NDNF: variants seen among roughly 807,000 people sequenced by gnomAD.
NDNF encodes protein NDNF.
A neutral mutation model predicts 42.0 loss-of-function variants in NDNF; 16 were observed. That is an observed-to-expected ratio of 0.38 (90% CI 0.26 to 0.58). The LOEUF is 0.58. Among genes scored for constraint, NDNF ranks in the 20% least tolerant of loss-of-function variants. NDNF has a pLI of 0.67. For missense variants in NDNF, 616 were observed against 666.2 expected, an observed-to-expected ratio of 0.92 and a Z score of 0.83; for synonymous variants, 248 against 251.7, an observed-to-expected ratio of 0.99 and a Z score of 0.14.
At position 121,039,176 on chromosome 4, in the gene NDNF, CTATGTGTGTGT is replaced by C. The variant is rs1726940880; in HGVS notation, c.313+743_313+753del. On this transcript the variant is annotated intron_variant, in intron 3 of 3. Coordinates refer to ENST00000379692, the MANE Select transcript of NDNF (RefSeq NM_024574.4). ...ATATATGTATATATATATATAAAGA[CTATGTGTGTGT>C]GTGTGTATATATATATATATATATA... is the stretch of plus-strand genomic sequence containing the variant. Among the ~76,000 whole-genome samples the C allele has an allele frequency of 6.7e-4, 9 of 13,352 alleles. 1 individual carries two copies. The highest frequency in any genetic ancestry group is 9.6e-4 in the African/African-American group (9 of 9,332). The allele number at this position is 13,352 out of a possible 152,430, so 8.8% of individuals were successfully genotyped here. A position where few individuals can be genotyped will look rare whatever the true frequency, so the allele number is the denominator to read the frequency against.
At position 121,036,453 on chromosome 4, in the gene NDNF, T is replaced by C. The variant is rs1316757756; in HGVS notation, c.1518A>G (p.Ile506Met). 1.2e-6 allele frequency: 2 copies of C among 1,614,186 alleles called. No homozygotes were observed. Among genetic ancestry groups the C allele is most frequent in the Non-Finnish European group, 8.5e-7 (1 of 1,180,032 alleles). The part of the protein sequence containing the change: ...REQNQCLGPD[I>M]RKKSEKVLCK... ...AGAGGACCTTTTCTGACTTCTTCCT[T>C]ATATCTGGTCCTAGACATTGGTTTT... Residue 506 changes from isoleucine (I) to methionine (M), a missense_variant, in exon 4 of 4, where the codon ATA (isoleucine) becomes ATG (methionine). Physicochemically the swap from Ile to Met is conservative, Grantham distance 10 (BLOSUM62 1). Transcript: ENST00000379692.
chr4:121,041,605 C>T (rs1043812000), intron 2 of NDNF, among the ~76,000 whole-genome samples: 31 of 152,292 alleles, frequency 2.0e-4, no homozygotes, highest in African/African-American at 7.2e-4. Context: ...GGACTCTCAG[C>T]TGGAAATCAC....
chr4:121,043,412 T>C (rs1296129188), intron 2 of NDNF, among the ~76,000 whole-genome samples: 3 of 152,220 alleles, frequency 2.0e-5, no homozygotes, highest in Non-Finnish European at 4.4e-5. Flanking sequence ...AAGTTTCTAC[T>C]TGTGGTTATA....
intron 1 of NDNF, among the ~76,000 whole-genome samples, chr4:121,067,772 G>A (rs908580236): frequency 6.6e-6 from 1 of 152,060 alleles, no homozygotes; most frequent in Non-Finnish European, 1.5e-5. Context: ...TTTTATTGGG[G>A]GAATTAACAT....
chr4:121,068,922 G>A (rs1047026118), intron 1 of NDNF, among the ~76,000 whole-genome samples: 1 of 152,006 alleles, frequency 6.6e-6, no homozygotes, highest in Admixed American at 6.6e-5. Flanking sequence ...TCCTAACGAC[G>A]ACAACAAAAA....
Position 121,036,175 on chromosome 4 carries a change from C to T in NDNF, c.*89G>A, listed in dbSNP as rs1448927770. On this transcript the variant is annotated 3_prime_UTR_variant, in exon 4 of 4. Coordinates refer to ENST00000379692, the MANE Select transcript of NDNF (RefSeq NM_024574.4). ...ATAGTACAAGTACAGGTCACAACTT[C>T]TCTCAACTGTGGGAGTAGTCAGTTT... 9.5e-7 allele frequency: 1 copy of T among 1,053,606 alleles called. No individual in the cohort carries two copies. Among genetic ancestry groups the T allele is most frequent in the Non-Finnish European group, 1.4e-6 (1 of 716,886 alleles). 65.3% of individuals were successfully genotyped at this position (1,053,606 alleles called of 1,614,324 possible).
intron 1 of NDNF, among the ~76,000 whole-genome samples, chr4:121,060,702 A>C (rs1222809874): frequency 6.6e-6 from 1 of 152,180 alleles, no homozygotes; most frequent in African/African-American, 2.4e-5. Flanking sequence ...CAGAATAATA[A>C]ATTGAATAGA....
At chr4:121,062,148 G>A (rs1727423837) in intron 1 of NDNF, among the ~76,000 whole-genome samples, 1 of 152,136 alleles carries the variant, frequency 6.6e-6, no homozygotes, top group Non-Finnish European at 1.5e-5. Context: ...TTACCTATCA[G>A]GTAAAAGATT....
intron 1 of NDNF, among the ~76,000 whole-genome samples, chr4:121,056,458 T>C (rs925517908): frequency 7.2e-5 from 11 of 152,202 alleles, no homozygotes; most frequent in African/African-American, 2.7e-4. Flanking sequence ...GCTCACTAAA[T>C]ACTGATGGAT....
At chr4:121,045,459 A>G (rs1436244700) in intron 2 of NDNF, among the ~76,000 whole-genome samples, 191 bp downstream of exon 2, 1 of 152,238 alleles carries the variant, frequency 6.6e-6, no homozygotes, top group Non-Finnish European at 1.5e-5. Context: ...GATGACAATC[A>G]GCAAGAATCA....
chr4:121,068,030 C>G (rs1221546731), intron 1 of NDNF, among the ~76,000 whole-genome samples: 1 of 152,184 alleles, frequency 6.6e-6, no homozygotes, highest in South Asian at 2.1e-4. Flanking sequence ...GCCAAGCAAA[C>G]AGACTTACAC....
intron 1 of NDNF, among the ~76,000 whole-genome samples, chr4:121,056,687 C>T (rs1349153098): frequency 6.6e-6 from 1 of 152,220 alleles, no homozygotes; most frequent in Non-Finnish European, 1.5e-5. Context: ...GGATCTTCAA[C>T]ATTCAAAAGG....
intron 1 of NDNF, among the ~76,000 whole-genome samples, chr4:121,053,356 T>C (rs986722208): frequency 2.0e-5 from 3 of 152,196 alleles, no homozygotes; most frequent in Non-Finnish European, 2.9e-5. Flanking sequence ...CTAACAGGGA[T>C]AACGTTAGGG....
chr4:121,053,042 G>A lies in NDNF; in HGVS notation c.-1-7204C>T, dbSNP rs552484460. 4.6e-5 allele frequency among the ~76,000 whole-genome samples: 7 copies of A among 152,238 alleles called. No individual in the cohort carries two copies. The East Asian group carries it at 7.7e-4, about 17-fold the overall frequency. ...CTACCCAACCCAATGAAGTAGAGCCGACATTATGTACAGAACTCGTGCACT... is the reference window on the plus strand; with the variant it reads ...CTACCCAACCCAATGAAGTAGAGCCAACATTATGTACAGAACTCGTGCACT... On this transcript the variant is annotated intron_variant, in intron 1 of 3. Coordinates refer to ENST00000379692, the MANE Select transcript of NDNF (RefSeq NM_024574.4).
At chr4:121,057,397 GCA>G (rs1727314980) in intron 1 of NDNF, among the ~76,000 whole-genome samples, 1 of 152,170 alleles carries the variant, frequency 6.6e-6, no homozygotes, top group Non-Finnish European at 1.5e-5. Context: ...CCCAGTCTTT[GCA>G]CCTGGGAACC....
chr4:121,040,200 T>A, intron 2 of NDNF, 146 bp from the exon 3 acceptor site: 1 of 800,522 alleles, frequency 1.2e-6, no homozygotes, highest in Non-Finnish European at 1.8e-6. Context: ...TATTTTCCCT[T>A]AACACAGTTT....
chr4:121,050,330 G>A (rs1463197694), intron 1 of NDNF, among the ~76,000 whole-genome samples: 1 of 152,102 alleles, frequency 6.6e-6, no homozygotes, highest in Non-Finnish European at 1.5e-5. Context: ...GATTACAAAA[G>A]TGCCCTCTAA....
intron 2 of NDNF, among the ~76,000 whole-genome samples, chr4:121,042,798 A>G (rs1727024205): frequency 6.6e-6 from 1 of 152,250 alleles, no homozygotes; most frequent in Non-Finnish European, 1.5e-5. Flanking sequence ...GCAACGGCAC[A>G]GAAGAAAACA....
intron 1 of NDNF, among the ~76,000 whole-genome samples, chr4:121,057,670 C>A (rs1217902087): frequency 1.3e-5 from 2 of 152,312 alleles, no homozygotes; most frequent in Non-Finnish European, 2.9e-5. Flanking sequence ...AGCTCAGCAA[C>A]ATAAAGGCAT....
Sources: allele counts gnomAD v4.1 joint callset (sites outside exome capture counted in the v4.1 genomes callset), GRCh38; gene constraint gnomAD v4.1.1; transcripts MANE v1.5; gene names NCBI Gene and HGNC (gene_info 2026-07-23, HGNC 2026-07-21).